The following VPS13B variants were observed in gnomAD, a reference collection of about 807,000 sequenced individuals.
VPS13B encodes vacuolar protein sorting 13 homolog B, also known as intermembrane lipid transfer protein VPS13B.
VPS13B carries 285 observed loss-of-function variants against 426.4 expected under a neutral mutation model. The ratio of observed to expected loss-of-function variants is 0.67; its 90% CI spans 0.61 to 0.74. The LOEUF (loss-of-function observed/expected upper bound fraction) is 0.74, where lower values mean the gene tolerates loss of function less well. Among genes scored for constraint, VPS13B ranks in the 30% least tolerant of loss-of-function variants. The pLI, the probability that VPS13B is intolerant of heterozygous loss-of-function variation, is 0.00. For missense variants in VPS13B, 4,537 were observed against 4,782.6 expected, an observed-to-expected ratio of 0.95 and a Z score of 1.51; for synonymous variants, 1,676 against 1,676.4, an observed-to-expected ratio of 1.00 and a Z score of 0.01.
intron 25 of VPS13B, among the ~76,000 whole-genome samples, chr8:99,500,669 GT>G (rs1821178754): frequency 6.6e-6 from 1 of 152,132 alleles, no homozygotes. Context: ...AAATAAGAAT[GT>G]TATATTGTGT....
chr8:99,343,254 C>T (rs1192057722), intron 19 of VPS13B, among the ~76,000 whole-genome samples: 2 of 151,610 alleles, frequency 1.3e-5, no homozygotes, highest in African/African-American at 4.8e-5. Flanking sequence ...CCACCATGCC[C>T]AGCTAATTTT....
chr8:99,021,466 C>G (rs1053991412), intron 2 of VPS13B, among the ~76,000 whole-genome samples: 3 of 151,922 alleles, frequency 2.0e-5, no homozygotes, highest in Non-Finnish European at 2.9e-5. Context: ...ACTAAAAATA[C>G]AAAAATTAGC....
chr8:99,128,889 C>T (rs1479737810), intron 8 of VPS13B, among the ~76,000 whole-genome samples: 1 of 152,112 alleles, frequency 6.6e-6, no homozygotes, highest in Non-Finnish European at 1.5e-5. Context: ...CCTGTAATCC[C>T]AGCACTTTGG....
At chr8:99,680,460 A>T (rs1831113533) in intron 35 of VPS13B, among the ~76,000 whole-genome samples, 1 of 152,160 alleles carries the variant, frequency 6.6e-6, no homozygotes, top group Non-Finnish European at 1.5e-5. Flanking sequence ...AATAAGTATA[A>T]TTTATTTGCA....
intron 43 of VPS13B, among the ~76,000 whole-genome samples, chr8:99,808,414 G>T (rs182803241): frequency 6.6e-6 from 1 of 151,312 alleles, no homozygotes; most frequent in African/African-American, 2.4e-5. Context: ...TACTCGGGAG[G>T]CTGAGGCAAG....
chr8:99,086,925 G>T (rs1235015827), intron 3 of VPS13B, among the ~76,000 whole-genome samples: 1 of 152,210 alleles, frequency 6.6e-6, no homozygotes, highest in Non-Finnish European at 1.5e-5. Flanking sequence ...TGAGGAGGCA[G>T]TCTGTCGGTT....
rs750693045 is a variant in VPS13B, at chr8:99,135,141, A to T, written c.1425+4A>T. 1 of 1,613,178 alleles carries T rather than the reference A, an allele frequency of 6.2e-7. No homozygotes were observed. The highest frequency in any genetic ancestry group is 8.5e-7 in the Non-Finnish European group (1 of 1,179,326). On this transcript the variant is annotated splice_donor_region_variant and intron_variant, in intron 10 of 61. Coordinates refer to ENST00000357162, the MANE Select transcript of VPS13B (RefSeq NM_152564.5). ...GAATATGAATAGAAGTGAAACTGTA[A>T]GTCCGTTTCCTCCATCCTTTTTTGG...
intron 19 of VPS13B, among the ~76,000 whole-genome samples, chr8:99,374,758 A>T (rs553312342): frequency 6.6e-6 from 1 of 152,156 alleles, no homozygotes; most frequent in Non-Finnish European, 1.5e-5. Flanking sequence ...TTTAAAATTT[A>T]TATTAAGTTC....
intron 19 of VPS13B, among the ~76,000 whole-genome samples, chr8:99,379,322 G>A (rs1813666803): frequency 2.6e-5 from 4 of 152,118 alleles, no homozygotes; most frequent in African/African-American, 7.2e-5. Flanking sequence ...GGTGTCCCAA[G>A]TTTCAGAATC....
intron 51 of VPS13B, among the ~76,000 whole-genome samples, chr8:99,825,640 T>C (rs1366135361): frequency 6.6e-6 from 1 of 152,246 alleles, no homozygotes; most frequent in Non-Finnish European, 1.5e-5. Context: ...CATGAAGTCT[T>C]TGCCCATGCC....
chr8:99,280,087 G>A (rs1819093666), intron 19 of VPS13B, among the ~76,000 whole-genome samples: 2 of 152,074 alleles, frequency 1.3e-5, no homozygotes, highest in African/African-American at 4.8e-5. Flanking sequence ...CAATTTCTGA[G>A]CCAGTGTTAA....
At chr8:99,226,403 T>C (rs1816022525) in intron 17 of VPS13B, among the ~76,000 whole-genome samples, 1 of 152,218 alleles carries the variant, frequency 6.6e-6, no homozygotes, top group African/African-American at 2.4e-5. Context: ...GCCAGTTATA[T>C]AGTATATGCC....
chr8:99,128,386 CAAAAAAAAAAAAAAAAAAAAAAAAAAA>C (rs71273165), intron 8 of VPS13B, among the ~76,000 whole-genome samples: 5 of 34,188 alleles, frequency 1.5e-4, no homozygotes, highest in Admixed American at 6.0e-4. Flanking sequence ...GATACTGTCC[CAAAAAAAAAAAAAAAAAAAAAAAAAAA>C]AAAAAAAAAA....
intron 35 of VPS13B, among the ~76,000 whole-genome samples, chr8:99,671,860 A>G (rs188281882): frequency 3.3e-4 from 51 of 152,240 alleles, no homozygotes; most frequent in Non-Finnish European, 6.2e-4. Context: ...TAGCTTTCCC[A>G]ACAGCATTTA....
intron 4 of VPS13B, among the ~76,000 whole-genome samples, chr8:99,099,552 C>G (rs1039384739): frequency 6.6e-6 from 1 of 152,092 alleles, no homozygotes; most frequent in African/African-American, 2.4e-5. Flanking sequence ...TTCTCTAGGA[C>G]TTCACAGTTT....
intron 21 of VPS13B, among the ~76,000 whole-genome samples, chr8:99,417,053 AG>A (rs1241302792): frequency 6.6e-6 from 1 of 152,188 alleles, no homozygotes; most frequent in Non-Finnish European, 1.5e-5. Context: ...ACATTTAATA[AG>A]ATTTGTAGTT....
chr8:99,216,005 T>C (rs1469157474), intron 17 of VPS13B, among the ~76,000 whole-genome samples: 1 of 152,216 alleles, frequency 6.6e-6, no homozygotes, highest in African/African-American at 2.4e-5. Flanking sequence ...TTTATTCTAG[T>C]CACAGAGGTA....
chr8:99,819,833 A>G, intron 48 of VPS13B, 88 bp from the exon 49 acceptor site: 1 of 1,509,500 alleles, frequency 6.6e-7, no homozygotes. Flanking sequence ...ATGCAGGAGC[A>G]TGGTGTGTTT....
intron 43 of VPS13B, among the ~76,000 whole-genome samples, chr8:99,792,517 GGAGA>G (rs1288294030): frequency 1.3e-5 from 2 of 152,118 alleles, no homozygotes; most frequent in Admixed American, 1.3e-4. Flanking sequence ...CCTTTTGTAA[GGAGA>G]GAGAGGCATA....
Sources: gnomAD v4.1 joint callset for allele counts (sites outside exome capture counted in the v4.1 genomes callset) on GRCh38, gnomAD v4.1.1 for gene constraint, MANE v1.5 for transcripts, NCBI Gene and HGNC (gene_info 2026-07-23, HGNC 2026-07-21) for gene names.